Variants in EVC2 observed in about 807,000 individuals in gnomAD.
EVC2 encodes EvC ciliary complex subunit 2.
In EVC2, 148 loss-of-function variants were observed where a neutral mutation model predicts 149.3. The ratio of observed to expected loss-of-function variants is 0.99; its 90% CI spans 0.87 to 1.14. EVC2 has a LOEUF of 1.14. Among genes scored for constraint, EVC2 ranks in the 50% most tolerant of loss-of-function variants. The probability of loss-of-function intolerance (pLI) is 0.00; values close to 1 mark genes in which losing one functional copy is unlikely to be tolerated. For synonymous variants in EVC2, 776 were observed against 649.9 expected (o/e 1.19, Z -2.95); for missense variants, 1,854 against 1,627.3 (o/e 1.14, Z -2.40).
chr4:5,699,529 G>A (rs1272555648), intron 1 of EVC2, among the ~76,000 whole-genome samples: 3 of 149,434 alleles, frequency 2.0e-5, no homozygotes. Flanking sequence ...GCCAAAAGTG[G>A]AAGCAAGCCA....
At position 5,596,599 on chromosome 4, in the gene EVC2, C is replaced by T. The variant is rs183166470; in HGVS notation, c.2830-11749G>A. On this transcript the variant is annotated intron_variant, in intron 16 of 21. Coordinates refer to ENST00000344408, the MANE Select transcript of EVC2 (RefSeq NM_147127.5). ...GTAGAGGGAAACTTATAGCACTAAA[C>T]GCCCACAAGAGAAAGCAGGAAAGAT... 6.2e-3 allele frequency among the ~76,000 whole-genome samples: 942 copies of T among 152,062 alleles called. 10 individuals carry two copies. The highest frequency in any genetic ancestry group is 0.022 in the African/African-American group (894 of 41,452).
At chr4:5,549,203 A>G (rs1274866595) in intron 21 of EVC2, among the ~76,000 whole-genome samples, 2 of 152,230 alleles carry the variant, frequency 1.3e-5, no homozygotes, top group African/African-American at 4.8e-5. Flanking sequence ...AATTTCATCA[A>G]TAATACAACA....
intron 21 of EVC2, 108 bp downstream of exon 21, chr4:5,565,150 C>T: frequency 9.7e-7 from 1 of 1,029,806 alleles, no homozygotes; most frequent in Non-Finnish European, 1.5e-6. Context: ...AAATCTTTGT[C>T]TGTTTGCAGC....
At chr4:5,544,678 T>C (rs1009349180) in intron 21 of EVC2, among the ~76,000 whole-genome samples, 1 of 152,192 alleles carries the variant, frequency 6.6e-6, no homozygotes, top group African/African-American at 2.4e-5. Flanking sequence ...GTTCACTTTG[T>C]AAACTCCAAA....
At chr4:5,596,003 C>T (rs897394624) in intron 16 of EVC2, among the ~76,000 whole-genome samples, 21 of 152,270 alleles carry the variant, frequency 1.4e-4, no homozygotes, top group South Asian at 6.2e-4. Flanking sequence ...GGGATCAACT[C>T]GACAAGAAGA....
chr4:5,651,344 T>C (rs1417553449), intron 9 of EVC2, among the ~76,000 whole-genome samples: 1 of 150,988 alleles, frequency 6.6e-6, no homozygotes, highest in African/African-American at 2.4e-5. Context: ...GGTGGATGAG[T>C]AGATAGGATG....
chr4:5,555,792 G>C (rs959188471), intron 21 of EVC2, among the ~76,000 whole-genome samples: 1 of 152,124 alleles, frequency 6.6e-6, no homozygotes, highest in Non-Finnish European at 1.5e-5. Context: ...CAATCAACTT[G>C]ATCTAACAGT....
Position 5,625,381 on chromosome 4 carries a change from T to G in EVC2, c.2046+368A>C, listed in dbSNP as rs990535746. Among the ~76,000 whole-genome samples, 1 of 151,598 alleles carries G rather than the reference T, an allele frequency of 6.6e-6. No individual in the cohort carries two copies. The highest frequency in any genetic ancestry group is 1.5e-5 in the Non-Finnish European group (1 of 67,962). On this transcript the variant is annotated intron_variant, in intron 13 of 21. Coordinates refer to ENST00000344408, the MANE Select transcript of EVC2 (RefSeq NM_147127.5). This position sits in a 1 kb window ranked among gnomAD's most constrained non-coding sequence, Gnocchi z 4.0. The stretch of plus-strand genomic sequence containing the variant: ...TGGTATCTCCCTCATAGGGTTAATA[T>G]ACAGATTAAACAAGATATCTTATAT...
At position 5,576,774 on chromosome 4, in the gene EVC2, G is replaced by A. The variant is rs1722962555; in HGVS notation, c.3058-320C>T. Among the ~76,000 whole-genome samples, 1 of 152,216 alleles carries A rather than the reference G, an allele frequency of 6.6e-6. No individual in the cohort carries two copies. The highest frequency in any genetic ancestry group is 6.5e-5 in the Admixed American group (1 of 15,290). ...GGCTCCTCAGCGAAAGGATCCCTGA[G>A]TTCCTTGGGAGACACAGATGCCCTC... is the stretch of plus-strand genomic sequence containing the variant. On this transcript the variant is annotated intron_variant, in intron 17 of 21. Transcript: ENST00000344408. The surrounding 1 kb of genome is among the most constrained non-coding windows in gnomAD (Gnocchi z 4.5).
intron 16 of EVC2, among the ~76,000 whole-genome samples, chr4:5,606,561 G>C (rs1264846820): frequency 6.6e-6 from 1 of 151,996 alleles, no homozygotes; most frequent in East Asian, 1.9e-4. Flanking sequence ...CTATTAAAGA[G>C]AACACAATGA....
chr4:5,531,798 A>G, the EVC2 span, among the ~76,000 whole-genome samples: 1 of 152,070 alleles, frequency 6.6e-6, no homozygotes, highest in East Asian at 1.9e-4. Flanking sequence ...ACAATGTAAT[A>G]ATAATAGAAA....
At chr4:5,617,357 T>C (rs541453371) in intron 15 of EVC2, among the ~76,000 whole-genome samples, 60 of 152,300 alleles carry the variant, frequency 3.9e-4, no homozygotes, top group African/African-American at 1.4e-3. Context: ...TCAGGTGAGA[T>C]CATGTAAGCT....
chr4:5,656,148 C>T (rs780145512), intron 9 of EVC2, among the ~76,000 whole-genome samples: 1 of 152,152 alleles, frequency 6.6e-6, no homozygotes, highest in Non-Finnish European at 1.5e-5. Context: ...CCAGGAAGCA[C>T]CAGAGGATGT....
intron 9 of EVC2, among the ~76,000 whole-genome samples, chr4:5,645,761 C>T (rs1157856012): frequency 6.6e-6 from 1 of 152,030 alleles, no homozygotes; most frequent in African/African-American, 2.4e-5. Context: ...GATTTATAGT[C>T]CTTTGGGTAT....
At chr4:5,685,588 G>T in intron 5 of EVC2, 109 bp from the exon 6 acceptor site, 1 of 869,524 alleles carries the variant, frequency 1.2e-6, no homozygotes, top group East Asian at 2.6e-5. Context: ...GGTTCCAAGG[G>T]AGGCCACCAT....
Position 5,708,459 on chromosome 4 carries a change from G to T in EVC2, c.55C>A (p.Leu19Met), listed in dbSNP as rs1722364834. The change falls in exon 1 of 22, where the codon CTG becomes ATG. Residue 19 changes from leucine (L) to methionine (M), a missense_variant. Transcript: ENST00000344408. Reference sequence around the variant, plus strand: ...CCCCCCAGCGCCAGGGCCACTGCCAGGAGACCCCCGGCCAGCACCCACGTG... The same window carrying T: ...CCCCCCAGCGCCAGGGCCACTGCCATGAGACCCCCGGCCAGCACCCACGTG... ...RPTWVLAGGL[L>M]AVALALGGRG... The T allele has an allele frequency of 1.3e-6, 2 of 1,507,036 alleles. No homozygotes were observed. Among genetic ancestry groups the T allele is most frequent in the Non-Finnish European group, 1.8e-6 (2 of 1,135,478 alleles). 93.4% of individuals were successfully genotyped at this position (1,507,036 alleles called of 1,614,324 possible). A position where few individuals can be genotyped will look rare whatever the true frequency, so the allele number is the denominator to read the frequency against.
intron 19 of EVC2, among the ~76,000 whole-genome samples, chr4:5,571,232 C>T (rs563316958): frequency 4.7e-4 from 69 of 146,030 alleles, no homozygotes; most frequent in Non-Finnish European, 7.9e-4. Flanking sequence ...GCAGGGGAAT[C>T]GCTTGAACCA....
At chr4:5,623,810 GCCTC>G (rs1715912343) in intron 13 of EVC2, among the ~76,000 whole-genome samples, 3 of 152,102 alleles carry the variant, frequency 2.0e-5, no homozygotes, top group South Asian at 4.2e-4. Context: ...CCCTCTCTGC[GCCTC>G]CATTTCCCTA....
chr4:5,639,765 C>T (rs559339640), intron 10 of EVC2, among the ~76,000 whole-genome samples: 36 of 152,346 alleles, frequency 2.4e-4, no homozygotes, highest in Admixed American at 6.5e-4. Flanking sequence ...CCTCTACAGA[C>T]GTGCTCTGCT....
Sources: gnomAD v4.1 joint callset for allele counts (sites outside exome capture counted in the v4.1 genomes callset) on GRCh38, gnomAD v4.1.1 for gene constraint, Gnocchi (gnomAD v3.1) non-coding constraint, MANE v1.5 for transcripts, NCBI Gene and HGNC (gene_info 2026-07-23, HGNC 2026-07-21) for gene names.